The following LRBA variants were observed in gnomAD, a reference collection of about 807,000 sequenced individuals.
LRBA encodes the protein LPS responsive beige-like anchor protein.
Under a neutral mutation model 330.0 loss-of-function variants are expected in LRBA, and 176 were observed. The ratio of observed to expected loss-of-function variants is 0.53; its 90% CI spans 0.47 to 0.60. The LOEUF (loss-of-function observed/expected upper bound fraction) is 0.60, where lower values mean the gene tolerates loss of function less well. Among genes scored for constraint, LRBA ranks in the 20% least tolerant of loss-of-function variants. LRBA has a pLI of 0.00. For missense variants in LRBA, 3,259 were observed against 3,444.8 expected, an observed-to-expected ratio of 0.95 and a Z score of 1.35; for synonymous variants, 1,230 against 1,193.0, an observed-to-expected ratio of 1.03 and a Z score of -0.64.
At chr4:150,526,512 A>C (rs1467841995) in intron 40 of LRBA, among the ~76,000 whole-genome samples, 1 of 152,210 alleles carries the variant, frequency 6.6e-6, no homozygotes, top group Non-Finnish European at 1.5e-5. Flanking sequence ...TCAGTTTCTC[A>C]ATAAAAAGAT....
At chr4:150,875,671 C>A (rs905558267) in intron 17 of LRBA, among the ~76,000 whole-genome samples, 5 of 151,974 alleles carry the variant, frequency 3.3e-5, no homozygotes, top group Admixed American at 2.0e-4. Flanking sequence ...AGCCACACCC[C>A]CTATGAAGAC....
At chr4:150,704,769 AT>A (rs1158736486) in intron 36 of LRBA, among the ~76,000 whole-genome samples, 3 of 152,186 alleles carry the variant, frequency 2.0e-5, no homozygotes, top group Non-Finnish European at 2.9e-5. Flanking sequence ...AGATTGGACT[AT>A]CATGTAAAAA....
rs557367827 is a variant in LRBA at position 150,957,958 on chromosome 4, C to A, written c.217-28893G>T. ...TGTGGCTTTGCAGGGTACAGACCCACTCCTTGCTGCTTTCACGGCTGGCGT... is the reference window on the plus strand; with the variant it reads ...TGTGGCTTTGCAGGGTACAGACCCAATCCTTGCTGCTTTCACGGCTGGCGT... On this transcript the variant is annotated intron_variant, in intron 2 of 56. Coordinates refer to ENST00000651943, the MANE Select transcript of LRBA (RefSeq NM_001364905.1). Among the ~76,000 whole-genome samples, 81 of 149,470 alleles carry A rather than the reference C, an allele frequency of 5.4e-4. 2 individuals carry two copies. Among genetic ancestry groups the A allele is most frequent in the Non-Finnish European group, 1.6e-4 (11 of 68,010 alleles).
intron 40 of LRBA, among the ~76,000 whole-genome samples, chr4:150,574,270 T>C (rs557410683): frequency 7.4e-4 from 112 of 152,118 alleles, no homozygotes; most frequent in Non-Finnish European, 1.4e-3. Flanking sequence ...TCCATAAATC[T>C]AAAATATCTA....
chr4:150,926,015 T>C (rs1479018063), intron 4 of LRBA, among the ~76,000 whole-genome samples: 1 of 152,058 alleles, frequency 6.6e-6, no homozygotes, highest in Non-Finnish European at 1.5e-5. Flanking sequence ...TTCCATATCA[T>C]TGCACAGGGA....
chr4:150,288,141 G>A (rs913593106), intron 53 of LRBA, among the ~76,000 whole-genome samples: 3 of 151,952 alleles, frequency 2.0e-5, no homozygotes, highest in South Asian at 2.1e-4. Context: ...ACAGGCGCCC[G>A]CCACTGCGCC....
At position 150,868,164 on chromosome 4, in the gene LRBA, C is replaced by T. The variant is rs1284001191; in HGVS notation, c.2573+18G>A. 3.1e-6 allele frequency: 5 copies of T among 1,595,918 alleles called. No individual in the cohort carries two copies. The highest frequency in any genetic ancestry group is 4.3e-6 in the Non-Finnish European group (5 of 1,172,642). On this transcript the variant is annotated intron_variant, in intron 21 of 56. Transcript: ENST00000651943. ...TACATTTGAATACTGCAAATAAATG[C>T]TTTCTGATTCAGCTTACCTCCTGTT...
chr4:150,526,537 T>C lies in LRBA; in HGVS notation c.6331-35502A>G, dbSNP rs150845228. Among the ~76,000 whole-genome samples, 121 of 152,300 alleles carry C rather than the reference T, an allele frequency of 7.9e-4. 1 individual carries two copies. The highest frequency in any genetic ancestry group is 2.8e-3 in the African/African-American group (117 of 41,588). ...AATAAAAAGATGGATAAATATGTTA[T>C]AGCCATTCTCTCTTCACTTTCTCCC... On this transcript the variant is annotated intron_variant, in intron 40 of 56. Coordinates refer to ENST00000651943, the MANE Select transcript of LRBA (RefSeq NM_001364905.1).
At chr4:150,282,132 G>A (rs2126762993) in intron 55 of LRBA, among the ~76,000 whole-genome samples, 1 of 152,298 alleles carries the variant, frequency 6.6e-6, no homozygotes, top group South Asian at 2.1e-4. Flanking sequence ...AATGTGCAGT[G>A]CATTTTCTTA....
At chr4:150,331,897 G>A (rs1161178099) in intron 48 of LRBA, among the ~76,000 whole-genome samples, 1 of 152,096 alleles carries the variant, frequency 6.6e-6, no homozygotes, top group Non-Finnish European at 1.5e-5. Context: ...TCACATATTA[G>A]CTCAGTGATT....
At chr4:150,980,818 G>A (rs1417994208) in intron 2 of LRBA, among the ~76,000 whole-genome samples, 1 of 152,112 alleles carries the variant, frequency 6.6e-6, no homozygotes, top group Non-Finnish European at 1.5e-5. Context: ...TTGAATATCA[G>A]TAGCATTTCT....
In LRBA at chr4:150,468,026, G is replaced by A. The variant is rs72734475; in HGVS notation, c.6668-241C>T. On this transcript the variant is annotated intron_variant, in intron 43 of 56. Coordinates refer to ENST00000651943, the MANE Select transcript of LRBA (RefSeq NM_001364905.1). Reference sequence around the variant, plus strand: ...TAACTTGCCCCAAATCACACAACTAGTAATGGTCAAACCATATTGAAATCC... The same window carrying A: ...TAACTTGCCCCAAATCACACAACTAATAATGGTCAAACCATATTGAAATCC... Among the ~76,000 whole-genome samples, 32,613 of 151,794 alleles carry A rather than the reference G, an allele frequency of 0.21. 4,355 individuals carry two copies. The highest frequency in any genetic ancestry group is 0.3 in the Non-Finnish European group (20,585 of 67,798).
chr4:150,621,142 T>A lies in LRBA; in HGVS notation c.5922-22011A>T, dbSNP rs556778563. On this transcript the variant is annotated intron_variant, in intron 37 of 56. Coordinates refer to ENST00000651943, the MANE Select transcript of LRBA (RefSeq NM_001364905.1). ...AGGATAAAGAGTGCAAAAGATTTTT[T>A]AATAAGAACTCTCAGTAAAAGCAAT... Among the ~76,000 whole-genome samples the A allele has an allele frequency of 2.0e-5, 3 of 152,284 alleles. No individual in the cohort carries two copies. In the East Asian group the frequency reaches 5.8e-4, roughly 29 times the overall value.
chr4:151,008,988 A>AAAAAAAAAATATAT (rs1554018903), intron 2 of LRBA, among the ~76,000 whole-genome samples: 1 of 5,532 alleles, frequency 1.8e-4, no homozygotes, highest in African/African-American at 4.7e-4. Flanking sequence ...AAAAAAAAAA[A>AAAAAAAAAATATAT]ATATATATAT....
intron 37 of LRBA, among the ~76,000 whole-genome samples, chr4:150,654,520 C>G (rs183597521): frequency 2.6e-4 from 40 of 152,256 alleles, no homozygotes; most frequent in Non-Finnish European, 5.1e-4. Flanking sequence ...TATCTCTCTA[C>G]CTTGTCTCTT....
chr4:150,803,081 T>TATATACAC (rs1553964903), intron 33 of LRBA, among the ~76,000 whole-genome samples: 26 of 110,992 alleles, frequency 2.3e-4, no homozygotes, highest in Non-Finnish European at 3.8e-4. Flanking sequence ...AAAAAATATA[T>TATATACAC]ATACACACAC....
At chr4:150,656,428 C>A (rs757969947) in intron 37 of LRBA, among the ~76,000 whole-genome samples, 27 of 151,968 alleles carry the variant, frequency 1.8e-4, no homozygotes, top group Non-Finnish European at 3.4e-4. Flanking sequence ...TCTTTCTTTT[C>A]TTTTTCTAAA....
intron 37 of LRBA, 101 bp from the exon 38 acceptor site, chr4:150,599,232 T>C (rs1773853479): frequency 7.2e-6 from 9 of 1,245,032 alleles, no homozygotes; most frequent in African/African-American, 1.5e-5. Context: ...TGCCTTTTTT[T>C]CCCTCTCCTT....
chr4:150,761,940 A>C (rs1735152978), intron 34 of LRBA, 93 bp from the exon 35 acceptor site: 1 of 687,148 alleles, frequency 1.5e-6, no homozygotes, highest in Admixed American at 2.7e-5. Context: ...ACCCATATCA[A>C]TTTCATGCCT....
Sources: allele counts gnomAD v4.1 joint callset (sites outside exome capture counted in the v4.1 genomes callset), GRCh38; gene constraint gnomAD v4.1.1; transcripts MANE v1.5; gene names NCBI Gene and HGNC (gene_info 2026-07-23, HGNC 2026-07-21).